Variants in GPR39 observed in about 807,000 individuals in gnomAD.
GPR39 encodes zinc sensing receptor.
A neutral mutation model predicts 18.4 loss-of-function variants in GPR39; 23 were observed. The observed-to-expected ratio is 1.25, with a 90% CI of 0.90 to 1.77. GPR39 has a LOEUF of 1.77. GPR39 is among the 40% of genes most tolerant of loss of function. GPR39 has a pLI of 0.00. For synonymous variants in GPR39, 280 were observed against 257.9 expected (o/e 1.09, Z -0.82); for missense variants, 647 against 602.4 (o/e 1.07, Z -0.78).
chr2:132,581,000 AC>A (rs1680613559), intron 1 of GPR39, among the ~76,000 whole-genome samples: 1 of 151,422 alleles, frequency 6.6e-6, no homozygotes, highest in Non-Finnish European at 1.5e-5. Flanking sequence ...AAAAAAAACA[AC>A]AAAAAAACTG....
chr2:132,611,562 T>G (rs1468585688), intron 1 of GPR39, among the ~76,000 whole-genome samples: 3 of 152,160 alleles, frequency 2.0e-5, no homozygotes, highest in African/African-American at 7.2e-5. Context: ...CTTGTGGTTG[T>G]TATGACCAAT....
chr2:132,426,724 G>GTAAA (rs1680124649), intron 1 of GPR39, among the ~76,000 whole-genome samples: 1 of 152,184 alleles, frequency 6.6e-6, no homozygotes, highest in Non-Finnish European at 1.5e-5. Context: ...GAGCCATTCT[G>GTAAA]GCAAGCAGAG....
At chr2:132,592,012 T>G (rs1427257525) in intron 1 of GPR39, among the ~76,000 whole-genome samples, 2 of 152,204 alleles carry the variant, frequency 1.3e-5, no homozygotes, top group Admixed American at 6.5e-5. Context: ...ATTATAATTA[T>G]ATTTCCTTGG....
chr2:132,482,010 ACTGGACCAT>A (rs1279989322), intron 1 of GPR39, among the ~76,000 whole-genome samples: 1 of 152,190 alleles, frequency 6.6e-6, no homozygotes, highest in Non-Finnish European at 1.5e-5. Flanking sequence ...ATCTCTGTAG[ACTGGACCAT>A]CTGGACCATC....
intron 1 of GPR39, among the ~76,000 whole-genome samples, chr2:132,590,831 G>GTGTA (rs1349387136): frequency 1.3e-5 from 2 of 150,706 alleles, no homozygotes; most frequent in Admixed American, 1.3e-4. Context: ...GTGTGTGTGT[G>GTGTA]TGTGTGTGTG....
chr2:132,525,863 C>G (rs1207714514), intron 1 of GPR39, among the ~76,000 whole-genome samples: 1 of 151,910 alleles, frequency 6.6e-6, no homozygotes, highest in East Asian at 1.9e-4. Flanking sequence ...CTGCTGGGGC[C>G]CAAAAAAGGG....
intron 1 of GPR39, among the ~76,000 whole-genome samples, chr2:132,613,784 T>C (rs932457723): frequency 8.5e-5 from 13 of 152,240 alleles, no homozygotes; most frequent in Admixed American, 3.3e-4. Context: ...TATTGAAGTT[T>C]AGCACAAACT....
intron 1 of GPR39, among the ~76,000 whole-genome samples, chr2:132,585,890 C>T (rs1045409670): frequency 3.5e-5 from 5 of 144,114 alleles, no homozygotes; most frequent in African/African-American, 7.8e-5. Context: ...GTGGGGTACC[C>T]GAGGGGGCCA....
chr2:132,623,599 G>A lies in GPR39; in HGVS notation c.857-21502G>A, dbSNP rs145390933. ...GACTCAGCATTCAGAGCCCCAGTCCGGAAACCTGGCTCCTCACTAACTAGC... is the reference window on the plus strand; with the variant it reads ...GACTCAGCATTCAGAGCCCCAGTCCAGAAACCTGGCTCCTCACTAACTAGC... On this transcript the variant is annotated intron_variant, in intron 1 of 1. Transcript: ENST00000329321. Among the ~76,000 whole-genome samples the A allele has an allele frequency of 6.0e-3, 909 of 152,314 alleles. 10 individuals are homozygous for A. The highest frequency in any genetic ancestry group is 0.01 in the Middle Eastern group (3 of 292).
chr2:132,440,468 T>G (rs1157049248), intron 1 of GPR39, among the ~76,000 whole-genome samples: 13 of 152,122 alleles, frequency 8.5e-5, no homozygotes, highest in Non-Finnish European at 1.5e-5. Flanking sequence ...GGCAGCTTTT[T>G]AGGGGAAGGA....
At chr2:132,607,808 A>G (rs1300914659) in intron 1 of GPR39, among the ~76,000 whole-genome samples, 1 of 152,120 alleles carries the variant, frequency 6.6e-6, no homozygotes, top group Non-Finnish European at 1.5e-5. Flanking sequence ...TTTCAGAGGT[A>G]GCGCTTTGAT....
At chr2:132,486,576 C>T (rs1169337167) in intron 1 of GPR39, among the ~76,000 whole-genome samples, 1 of 152,214 alleles carries the variant, frequency 6.6e-6, no homozygotes, top group Non-Finnish European at 1.5e-5. Context: ...TCACTTTGCA[C>T]ATTTATGTTA....
intron 1 of GPR39, among the ~76,000 whole-genome samples, chr2:132,538,740 A>G (rs185994823): frequency 6.6e-6 from 1 of 152,234 alleles, no homozygotes; most frequent in East Asian, 1.9e-4. Flanking sequence ...GAGCTGCTGG[A>G]TTTGCTGCAG....
intron 1 of GPR39, among the ~76,000 whole-genome samples, chr2:132,623,442 G>A (rs1681482423): frequency 6.6e-6 from 1 of 152,192 alleles, no homozygotes; most frequent in Admixed American, 6.5e-5. Context: ...AAAGAATGGA[G>A]GGAGAAGGAA....
In GPR39 at chr2:132,626,945, T is replaced by C. The variant is rs138000754; in HGVS notation, c.857-18156T>C. Among the ~76,000 whole-genome samples, 153 of 152,334 alleles carry C rather than the reference T, an allele frequency of 1.0e-3. 3 individuals are homozygous for C. The highest frequency in any genetic ancestry group is 3.5e-3 in the African/African-American group (145 of 41,582). ...GCTCAAACAATATTAGAAATAATTC[T>C]TTCTCCTTCTCACAATGTTATGTCT... On this transcript the variant is annotated intron_variant, in intron 1 of 1. Transcript: ENST00000329321.
intron 1 of GPR39, among the ~76,000 whole-genome samples, chr2:132,449,125 T>C (rs1401365104): frequency 6.6e-6 from 1 of 152,252 alleles, no homozygotes; most frequent in Non-Finnish European, 1.5e-5. Flanking sequence ...GGGCAGAAAC[T>C]GAAGCCAGAG....
At chr2:132,441,298 G>T (rs1055914057) in intron 1 of GPR39, among the ~76,000 whole-genome samples, 33 of 152,102 alleles carry the variant, frequency 2.2e-4, no homozygotes, top group Admixed American at 2.2e-3. Context: ...TTACAGATAC[G>T]CTGCATTTCA....
In GPR39 at chr2:132,423,146, C is replaced by A. The variant is rs182031077; in HGVS notation, c.856+5248C>A. On this transcript the variant is annotated intron_variant, in intron 1 of 1. Transcript: ENST00000329321. ...TCTGCACATGTCCCCTGCCAGGCTGCAGCCCTGGGACCACTCAACTGACTC... is the reference window on the plus strand; with the variant it reads ...TCTGCACATGTCCCCTGCCAGGCTGAAGCCCTGGGACCACTCAACTGACTC... Among the ~76,000 whole-genome samples, 244 of 152,036 alleles carry A rather than the reference C, an allele frequency of 1.6e-3. 7 individuals carry two copies. The highest frequency in any genetic ancestry group is 5.4e-3 in the African/African-American group (224 of 41,380).
chr2:132,492,854 T>C (rs1404769330), intron 1 of GPR39, among the ~76,000 whole-genome samples: 1 of 143,570 alleles, frequency 7.0e-6, no homozygotes, highest in Admixed American at 7.1e-5. Flanking sequence ...ATACACCATA[T>C]ATATACCATA....
Sources: allele counts gnomAD v4.1 joint callset (sites outside exome capture counted in the v4.1 genomes callset), GRCh38; gene constraint gnomAD v4.1.1; transcripts MANE v1.5; gene names NCBI Gene and HGNC (gene_info 2026-07-23, HGNC 2026-07-21).